Variants in CUX2 observed in about 807,000 individuals in gnomAD.
CUX2 encodes the protein homeobox protein cut-like 2.
CUX2 carries 40 observed loss-of-function variants against 144.8 expected under a neutral mutation model. The ratio of observed to expected loss-of-function variants is 0.28; its 90% CI spans 0.21 to 0.36. CUX2 has a LOEUF of 0.36. Ranked by LOEUF, CUX2 falls within the 10% of genes least tolerant of loss-of-function variation. The pLI is 1.00. For synonymous variants in CUX2, 827 were observed against 875.6 expected (o/e 0.94, Z 0.98); for missense variants, 1,615 against 1,994.0 (o/e 0.81, Z 3.62).
chr12:111,129,980 G>A (rs548901507), intron 1 of CUX2, among the ~76,000 whole-genome samples: 1 of 152,290 alleles, frequency 6.6e-6, no homozygotes, highest in South Asian at 2.1e-4. Flanking sequence ...TCTGACTGGA[G>A]GGCTACGGTG....
At chr12:111,109,562 CAT>C (rs974167786) in intron 1 of CUX2, among the ~76,000 whole-genome samples, 2 of 152,188 alleles carry the variant, frequency 1.3e-5, no homozygotes, top group Non-Finnish European at 2.9e-5. Flanking sequence ...AAGCTCATTC[CAT>C]ATGTTTCCCA....
chr12:111,177,172 T>C (rs959315387), intron 1 of CUX2, among the ~76,000 whole-genome samples: 6 of 152,186 alleles, frequency 3.9e-5, no homozygotes, highest in South Asian at 2.1e-4. Context: ...CTGTGGCTTA[T>C]GCATCCAAAA....
intron 1 of CUX2, among the ~76,000 whole-genome samples, chr12:111,076,934 C>T (rs374154791): frequency 2.8e-4 from 43 of 152,262 alleles, no homozygotes; most frequent in Admixed American, 7.2e-4. Context: ...GTCAAAGAGT[C>T]GAGAAGTTGG....
intron 1 of CUX2, among the ~76,000 whole-genome samples, chr12:111,184,194 T>C (rs1879366092): frequency 6.6e-6 from 1 of 152,186 alleles, no homozygotes; most frequent in South Asian, 2.1e-4. Context: ...TAAGAACTTA[T>C]TCTTCAGATA....
At chr12:111,248,667 C>G (rs1455707888) in intron 3 of CUX2, among the ~76,000 whole-genome samples, 1 of 152,150 alleles carries the variant, frequency 6.6e-6, no homozygotes, top group African/African-American at 2.4e-5. Context: ...CAGAGAAACG[C>G]TAATGCTCAT....
At chr12:111,344,454 G>A (rs934328940) in intron 21 of CUX2, among the ~76,000 whole-genome samples, 1 of 152,182 alleles carries the variant, frequency 6.6e-6, no homozygotes, top group South Asian at 2.1e-4. Flanking sequence ...GCACAAAGGA[G>A]AAGAGAGAAT....
intron 1 of CUX2, among the ~76,000 whole-genome samples, chr12:111,134,620 C>CTGTGTGTGTGTGTGTG (rs750270262): frequency 1.8e-3 from 253 of 142,204 alleles, no homozygotes; most frequent in African/African-American, 6.7e-3. Flanking sequence ...CTCTCTCTCT[C>CTGTGTGTGTGTGTGTG]TGTGTGTGTG....
chr12:111,253,401 TG>T (rs2136277915), intron 3 of CUX2, among the ~76,000 whole-genome samples: 1 of 150,116 alleles, frequency 6.7e-6, no homozygotes, highest in African/African-American at 2.5e-5. Context: ...AGACAGCCCC[TG>T]CCCCAGGGCC....
At chr12:111,275,924 C>A (rs1411288433) in intron 4 of CUX2, among the ~76,000 whole-genome samples, 1 of 152,142 alleles carries the variant, frequency 6.6e-6, no homozygotes, top group Non-Finnish European at 1.5e-5. Flanking sequence ...CAGTAACATC[C>A]ATTTTCTGTT....
intron 19 of CUX2, among the ~76,000 whole-genome samples, chr12:111,336,349 G>A (rs561469216): frequency 2.6e-5 from 4 of 151,720 alleles, no homozygotes; most frequent in East Asian, 3.9e-4. Flanking sequence ...AAGGTATACC[G>A]AAAAGTACAG....
chr12:111,046,250 T>TG (rs1222296515), intron 1 of CUX2, among the ~76,000 whole-genome samples: 1 of 152,248 alleles, frequency 6.6e-6, no homozygotes, highest in East Asian at 1.9e-4. Context: ...AGGCTGGGCC[T>TG]GGCTTTGTGG....
rs371049919 is a variant in CUX2, at chr12:111,268,212, TTTTTTG to T, written c.301+4379_301+4384del. 9.5e-5 allele frequency among the ~76,000 whole-genome samples: 7 copies of T among 73,798 alleles called. No individual in the cohort carries two copies. The African/African-American group carries it at 9.5e-4, about 10-fold the overall frequency. The allele number at this position is 73,798 out of a possible 152,430, so 48.4% of individuals were successfully genotyped here. On this transcript the variant is annotated intron_variant, in intron 4 of 21. Transcript: ENST00000261726. Reference sequence around the variant, plus strand: ...GCAAAGACACTTTGGTTTTTGTTTGTTTTTTGTTTTTTGTTTTTTGTTTTTTTTAAG... The same window carrying T: ...GCAAAGACACTTTGGTTTTTGTTTGTTTTTTTGTTTTTTGTTTTTTTTAAG...
chr12:111,093,744 T>C (rs1872666074), intron 1 of CUX2, among the ~76,000 whole-genome samples: 1 of 152,234 alleles, frequency 6.6e-6, no homozygotes, highest in African/African-American at 2.4e-5. Flanking sequence ...CAGGATGAAA[T>C]GGCTCCCTGA....
rs955778724 is a variant in CUX2, at chr12:111,348,904, C to A, written c.*579C>A. ...TTCCACATCTGTCTGTGAGACACAGCGCAATGCTACTGCCCTTCCAGAAAC... is the reference window on the plus strand; with the variant it reads ...TTCCACATCTGTCTGTGAGACACAGAGCAATGCTACTGCCCTTCCAGAAAC... On this transcript the variant is annotated 3_prime_UTR_variant, in exon 22 of 22. Transcript: ENST00000261726. The A allele has an allele frequency of 1.3e-5, 2 of 152,748 alleles. No homozygotes were observed. Among genetic ancestry groups the A allele is most frequent in the Non-Finnish European group, 2.9e-5 (2 of 68,158 alleles). 9.5% of individuals were successfully genotyped at this position (152,748 alleles called of 1,614,324 possible). A position where few individuals can be genotyped will look rare whatever the true frequency, so the allele number is the denominator to read the frequency against.
chr12:111,194,866 A>T (rs1880142658), intron 1 of CUX2, among the ~76,000 whole-genome samples: 1 of 152,004 alleles, frequency 6.6e-6, no homozygotes, highest in African/African-American at 2.4e-5. Flanking sequence ...GAGGCAGCAA[A>T]CTCCAGCCTT....
Position 111,042,828 on chromosome 12 carries a change from G to T in CUX2, c.63+8588G>T, listed in dbSNP as rs533374383. On this transcript the variant is annotated intron_variant, in intron 1 of 21. Transcript: ENST00000261726. ...TTTTTTTTTTAACGTAGAAGTGGAG[G>T]TCTCACCATGCTACCCAGGCTAGTC... Among the ~76,000 whole-genome samples, 765 of 149,894 alleles carry T rather than the reference G, an allele frequency of 5.1e-3. 9 individuals carry two copies. The highest frequency in any genetic ancestry group is 0.018 in the African/African-American group (738 of 40,588).
chr12:111,314,660 AAAAAAAAACC>A (rs1227492476), intron 16 of CUX2, among the ~76,000 whole-genome samples: 9 of 85,948 alleles, frequency 1.0e-4, no homozygotes, highest in Admixed American at 2.2e-4. Flanking sequence ...AAAAAAAAAA[AAAAAAAAACC>A]CCATCTCCTC....
chr12:111,100,568 CAG>C (rs1393582557), intron 1 of CUX2, among the ~76,000 whole-genome samples: 3 of 152,080 alleles, frequency 2.0e-5, no homozygotes, highest in South Asian at 2.1e-4. Flanking sequence ...GTGTGCAAGT[CAG>C]AGGGGTATGC....
intron 1 of CUX2, among the ~76,000 whole-genome samples, chr12:111,042,403 C>T (rs567976518): frequency 2.0e-5 from 3 of 152,198 alleles, no homozygotes; most frequent in Non-Finnish European, 2.9e-5. Flanking sequence ...TCTATGGGTG[C>T]GGGTGTCCCA....
Sources: gnomAD v4.1 joint callset for allele counts (sites outside exome capture counted in the v4.1 genomes callset) on GRCh38, gnomAD v4.1.1 for gene constraint, MANE v1.5 for transcripts, NCBI Gene and HGNC (gene_info 2026-07-23, HGNC 2026-07-21) for gene names.